The following PCDHGA5 variants were observed in gnomAD, a reference collection of about 807,000 sequenced individuals.
PCDHGA5 encodes the protein protocadherin gamma-A5.
PCDHGA5 carries 36 observed loss-of-function variants against 56.7 expected under a neutral mutation model. That is an observed-to-expected ratio of 0.64 (90% CI 0.49 to 0.84). PCDHGA5 has a LOEUF of 0.84. Ranked by LOEUF, PCDHGA5 falls within the 40% of genes least tolerant of loss-of-function variation. The probability of loss-of-function intolerance (pLI) is 0.00; values close to 1 mark genes in which losing one functional copy is unlikely to be tolerated. For missense variants in PCDHGA5, 1,305 were observed against 1,201.5 expected (o/e 1.09, Z -1.27); for synonymous variants, 563 against 520.2 (o/e 1.08, Z -1.12).
intron 1 of PCDHGA5, chr5:141,409,119 C>A: frequency 6.2e-7 from 1 of 1,613,928 alleles, no homozygotes; most frequent in Non-Finnish European, 8.5e-7. Flanking sequence ...AATAACCAGT[C>A]ATTTGATTTT....
At chr5:141,375,418 C>G in intron 1 of PCDHGA5, 1 of 1,613,972 alleles carries the variant, frequency 6.2e-7, no homozygotes, top group Non-Finnish European at 8.5e-7. Context: ...TGGCAGACAC[C>G]AACGACAACC....
chr5:141,487,822 G>C lies in PCDHGA5; in HGVS notation c.2422-6985G>C. On this transcript the variant is annotated intron_variant, in intron 1 of 3. Coordinates refer to ENST00000518069, the MANE Select transcript of PCDHGA5 (RefSeq NM_018918.3). The surrounding 1 kb of genome is among the most constrained non-coding windows in gnomAD (Gnocchi z 5.0). ...TGTCACAGTTTAGCATTGGGGGCGGGTCATGCCTATATCTGAGTAAGAAAT... is the reference window on the plus strand; with the variant it reads ...TGTCACAGTTTAGCATTGGGGGCGGCTCATGCCTATATCTGAGTAAGAAAT... 1 of 1,278,758 alleles carries C rather than the reference G, an allele frequency of 7.8e-7. No individual in the cohort carries two copies. The highest frequency in any genetic ancestry group is 1.4e-5 in the South Asian group (1 of 69,172). The allele number at this position is 1,278,758 out of a possible 1,614,324, so 79.2% of individuals were successfully genotyped here. A position where few individuals can be genotyped will look rare whatever the true frequency, so the allele number is the denominator to read the frequency against.
chr5:141,396,326 A>T (rs1198474229), intron 1 of PCDHGA5: 3 of 152,326 alleles, frequency 2.0e-5, no homozygotes, highest in Admixed American at 1.3e-4. Context: ...TCTCTAAAAA[A>T]ACTATTATTA....
Position 141,511,066 on chromosome 5 carries a change from C to T in PCDHGA5, c.2689C>T (p.Pro897Ser). Residue 897 changes from proline to serine, a missense_variant, in exon 4 of 4, where the codon CCA (proline) becomes TCA (serine). Physicochemically the swap from Pro to Ser is moderately conservative, Grantham distance 74. Transcript: ENST00000518069. The part of the protein sequence containing the change: ...VPDYRQNVYI[P>S]GSNATLTNAA... ...CGACTACCGCCAGAATGTCTACATC[C>T]CAGGCAGCAATGCCACACTGACCAA... 1.2e-6 allele frequency: 2 copies of T among 1,614,230 alleles called. No individual in the cohort carries two copies. Among genetic ancestry groups the T allele is most frequent in the Non-Finnish European group, 1.7e-6 (2 of 1,180,036 alleles).
chr5:141,400,590 T>A, intron 1 of PCDHGA5: 3 of 1,604,846 alleles, frequency 1.9e-6, no homozygotes, highest in Non-Finnish European at 2.6e-6. Context: ...CATGAAACTA[T>A]CGTACATTTT....
At chr5:141,510,850 G>A in intron 3 of PCDHGA5, 97 bp from the exon 4 acceptor site, 4 of 1,599,444 alleles carry the variant, frequency 2.5e-6, no homozygotes, top group South Asian at 1.1e-5. Context: ...AAGGCCCAGG[G>A]TGCTGTATAG....
rs375597452 is a variant in PCDHGA5 at position 141,403,865 on chromosome 5, A to G, written c.2421+37114A>G. ...AAATACTGGGGAAATATCAACAGCA[A>G]AAAGTCTAGATTATGAAGAATGTTC... On this transcript the variant is annotated intron_variant, in intron 1 of 3. Transcript: ENST00000518069. 40 of 1,613,808 alleles carry G rather than the reference A, an allele frequency of 2.5e-5. No individual in the cohort carries two copies. The African/African-American group carries it at 5.2e-4, about 21-fold the overall frequency.
chr5:141,377,296 T>A (rs555068589), intron 1 of PCDHGA5: 1 of 152,208 alleles, frequency 6.6e-6, no homozygotes, highest in Non-Finnish European at 1.5e-5. Flanking sequence ...TTAATTTAGG[T>A]CAGTGTTAAA....
intron 1 of PCDHGA5, among the ~76,000 whole-genome samples, chr5:141,470,600 G>A (rs890975756): frequency 4.6e-5 from 7 of 152,142 alleles, no homozygotes; most frequent in South Asian, 2.1e-4. Context: ...CGACCTGTGC[G>A]GGGACACAGG....
intron 1 of PCDHGA5, chr5:141,399,515 C>T (rs748098945): frequency 6.2e-7 from 1 of 1,614,040 alleles, no homozygotes; most frequent in African/African-American, 1.3e-5. Context: ...AACAACCCTC[C>T]TGGGGCCTCC....
intron 1 of PCDHGA5, chr5:141,395,272 G>C (rs750503990): frequency 6.5e-7 from 1 of 1,544,348 alleles, no homozygotes; most frequent in Admixed American, 2.1e-5. Context: ...TTAATTTCCA[G>C]ATGAATTTTA....
chr5:141,384,530 G>A, intron 1 of PCDHGA5: 6 of 1,614,238 alleles, frequency 3.7e-6, no homozygotes, highest in Non-Finnish European at 5.1e-6. Flanking sequence ...CCTCTCAGCA[G>A]CAACATGTCA....
At chr5:141,393,297 G>T (rs376887343) in intron 1 of PCDHGA5, 3 of 1,613,934 alleles carry the variant, frequency 1.9e-6, no homozygotes, top group Non-Finnish European at 1.7e-6. Context: ...TGACCCGGAT[G>T]TGGGCGTGAA....
rs2099622509 is a variant in PCDHGA5 at position 141,485,988 on chromosome 5, G to T, written c.2422-8819G>T. On this transcript the variant is annotated intron_variant, in intron 1 of 3. Coordinates refer to ENST00000518069, the MANE Select transcript of PCDHGA5 (RefSeq NM_018918.3). The surrounding 1 kb of genome is among the most constrained non-coding windows in gnomAD (Gnocchi z 5.7). The stretch of plus-strand genomic sequence containing the variant: ...CTCAATGCCTCAGACCCGGACCTGG[G>T]TCCCAGTGGTAACGTCACCTTTTAT... 16 of 1,614,188 alleles carry T rather than the reference G, an allele frequency of 9.9e-6. No homozygotes were observed. The highest frequency in any genetic ancestry group is 1.4e-5 in the Non-Finnish European group (16 of 1,180,038).
chr5:141,427,224 A>G (rs1269896138), intron 1 of PCDHGA5: 1 of 456,768 alleles, frequency 2.2e-6, no homozygotes, highest in East Asian at 6.9e-5. Context: ...TAGCAGTTAT[A>G]CCATGAGAGT....
chr5:141,385,576 A>G, intron 1 of PCDHGA5: 1 of 1,288,582 alleles, frequency 7.8e-7, no homozygotes, highest in Non-Finnish European at 9.8e-7. Context: ...CTACTTTCCA[A>G]TCTATGTTCC....
At chr5:141,442,974 A>C (rs1444888648) in intron 1 of PCDHGA5, among the ~76,000 whole-genome samples, 1 of 152,176 alleles carries the variant, frequency 6.6e-6, no homozygotes, top group Non-Finnish European at 1.5e-5. Flanking sequence ...CTGGCTGATA[A>C]AGTTAGCCTA....
At chr5:141,386,956 G>A (rs1561613070) in intron 1 of PCDHGA5, among the ~76,000 whole-genome samples, 1 of 152,208 alleles carries the variant, frequency 6.6e-6, no homozygotes, top group Non-Finnish European at 1.5e-5. Context: ...CTTCAGTGCA[G>A]CAGATCTCAG....
intron 1 of PCDHGA5, chr5:141,400,474 G>A: frequency 6.2e-7 from 1 of 1,614,012 alleles, no homozygotes; most frequent in Non-Finnish European, 8.5e-7. Context: ...TTCATCTGGG[G>A]CCTTATTTCC....
Sources: allele counts gnomAD v4.1 joint callset (sites outside exome capture counted in the v4.1 genomes callset), GRCh38; gene constraint gnomAD v4.1.1; non-coding constraint Gnocchi (gnomAD v3.1); transcripts MANE v1.5; gene names NCBI Gene and HGNC (gene_info 2026-07-23, HGNC 2026-07-21).